The following GLIS3 variants were observed in gnomAD, a reference collection of about 807,000 sequenced individuals.
GLIS3 encodes the protein GLIS family zinc finger 3.
A neutral mutation model predicts 78.6 loss-of-function variants in GLIS3; 53 were observed. That is an observed-to-expected ratio of 0.67 (90% CI 0.54 to 0.85). The LOEUF is 0.85. Ranked by LOEUF, GLIS3 falls within the 40% of genes least tolerant of loss-of-function variation. GLIS3 has a pLI of 0.00. For synonymous variants in GLIS3, 684 were observed against 509.9 expected, an observed-to-expected ratio of 1.34 and a Z score of -4.60; for missense variants, 1,703 against 1,231.1, an observed-to-expected ratio of 1.38 and a Z score of -5.74.
the GLIS3 span, among the ~76,000 whole-genome samples, chr9:4,443,432 G>C: frequency 9.9e-5 from 15 of 152,250 alleles, no homozygotes; most frequent in Non-Finnish European, 2.2e-4. Flanking sequence ...ATGAATGAAT[G>C]AATGAGAAAA....
intron 2 of GLIS3, among the ~76,000 whole-genome samples, chr9:4,198,374 C>G (rs1819058136): frequency 6.6e-6 from 1 of 152,038 alleles, no homozygotes; most frequent in Non-Finnish European, 1.5e-5. Flanking sequence ...AATTCTAACT[C>G]TAGAAGTAGA....
rs547511467 is a variant in GLIS3, at chr9:3,826,876, G to T, written c.*1396C>A. ...TAGTACCAGAATGTTAGAACTTACT[G>T]TGTCTTTGGGACTGGCCAATTTTTA... is the stretch of plus-strand genomic sequence containing the variant. On this transcript the variant is annotated 3_prime_UTR_variant, in exon 11 of 11. Coordinates refer to ENST00000381971, the MANE Select transcript of GLIS3 (RefSeq NM_001042413.2). The T allele has an allele frequency of 2.0e-5, 3 of 152,322 alleles. No individual in the cohort carries two copies. The highest frequency in any genetic ancestry group is 4.1e-4 in the South Asian group (2 of 4,830). 9.4% of individuals were successfully genotyped at this position (152,322 alleles called of 1,614,324 possible). A position where few individuals can be genotyped will look rare whatever the true frequency, so the allele number is the denominator to read the frequency against.
chr9:3,911,068 TA>T, intron 6 of GLIS3, among the ~76,000 whole-genome samples: 1 of 152,264 alleles, frequency 6.6e-6, no homozygotes, highest in Middle Eastern at 3.4e-3. Flanking sequence ...CCTAAATAGT[TA>T]ATAGCTTTTT....
chr9:4,110,658 C>T (rs944193538), intron 4 of GLIS3, among the ~76,000 whole-genome samples: 12 of 152,240 alleles, frequency 7.9e-5, no homozygotes, highest in African/African-American at 7.2e-5. Context: ...TTAAAGCAGA[C>T]GTAAAATCAA....
At chr9:4,003,723 G>C (rs1289663523) in intron 4 of GLIS3, among the ~76,000 whole-genome samples, 2 of 152,194 alleles carry the variant, frequency 1.3e-5, no homozygotes, top group Non-Finnish European at 1.5e-5. Flanking sequence ...CAGGGAGCTG[G>C]AGAATCCACA....
At chr9:3,836,838 T>A (rs1473289410) in intron 9 of GLIS3, among the ~76,000 whole-genome samples, 1 of 152,160 alleles carries the variant, frequency 6.6e-6, no homozygotes, top group Non-Finnish European at 1.5e-5. Flanking sequence ...ACCATCCCCT[T>A]CCATACTTCT....
chr9:3,956,732 T>G (rs574040111), intron 4 of GLIS3, among the ~76,000 whole-genome samples: 1 of 152,232 alleles, frequency 6.6e-6, no homozygotes, highest in Non-Finnish European at 1.5e-5. Context: ...TGTGCCAACT[T>G]TGAATAATCC....
At chr9:4,001,270 T>C (rs1821107726) in intron 4 of GLIS3, among the ~76,000 whole-genome samples, 1 of 152,248 alleles carries the variant, frequency 6.6e-6, no homozygotes, top group African/African-American at 2.4e-5. Context: ...AAAAATCTTT[T>C]GGCAATGAAT....
chr9:4,142,385 T>A (rs1833877393), intron 2 of GLIS3, among the ~76,000 whole-genome samples: 1 of 152,194 alleles, frequency 6.6e-6, no homozygotes, highest in African/African-American at 2.4e-5. Context: ...TGGTTTTCAA[T>A]GTTAATGAGA....
At chr9:4,435,905 T>C in the GLIS3 span, among the ~76,000 whole-genome samples, 1 of 152,138 alleles carries the variant, frequency 6.6e-6, no homozygotes, top group Non-Finnish European at 1.5e-5. Context: ...GCCAAGATCG[T>C]GCCACTGCAC....
intron 2 of GLIS3, among the ~76,000 whole-genome samples, chr9:4,263,542 C>T (rs748541629): frequency 1.1e-4 from 16 of 151,916 alleles, no homozygotes; most frequent in Non-Finnish European, 2.1e-4. Context: ...TCAGGTTTGT[C>T]AATTCATTCA....
At position 4,148,930 on chromosome 9, in the gene GLIS3, G is replaced by A. The variant is rs115422342; in HGVS notation, c.389-22989C>T. On this transcript the variant is annotated intron_variant, in intron 2 of 10. Coordinates refer to ENST00000381971, the MANE Select transcript of GLIS3 (RefSeq NM_001042413.2). The stretch of plus-strand genomic sequence containing the variant: ...CCACACCTCACTGCACACAAAGCTC[G>A]TCCCTATCAACAGAACCTTTTCCAA... Among the ~76,000 whole-genome samples, 77 of 151,986 alleles carry A rather than the reference G, an allele frequency of 5.1e-4. 1 individual carries two copies. Among genetic ancestry groups the A allele is most frequent in the Admixed American group, 2.1e-3 (32 of 15,276 alleles).
intron 2 of GLIS3, among the ~76,000 whole-genome samples, chr9:4,206,072 G>C (rs1353505071): frequency 6.6e-6 from 1 of 152,122 alleles, no homozygotes; most frequent in South Asian, 2.1e-4. Flanking sequence ...GTATGGAAGG[G>C]AAAATATATA....
intron 4 of GLIS3, among the ~76,000 whole-genome samples, chr9:4,111,120 G>A (rs1271235896): frequency 6.6e-6 from 1 of 152,100 alleles, no homozygotes; most frequent in Non-Finnish European, 1.5e-5. Flanking sequence ...CCAAAGGTTC[G>A]ACATACATTC....
At chr9:3,979,534 C>T (rs1190067979) in intron 4 of GLIS3, among the ~76,000 whole-genome samples, 1 of 152,180 alleles carries the variant, frequency 6.6e-6, no homozygotes, top group African/African-American at 2.4e-5. Context: ...AGTGACTTCT[C>T]CTCTATGTGC....
the GLIS3 span, among the ~76,000 whole-genome samples, chr9:4,481,042 G>A: frequency 0.45 from 69,023 of 151,818 alleles, 15,883 homozygotes; most frequent in East Asian, 0.64. Flanking sequence ...TTTTTGTAGA[G>A]ACAGGGTTTT....
intron 4 of GLIS3, among the ~76,000 whole-genome samples, chr9:4,012,765 CTTTTTT>C (rs71324278): frequency 3.7e-3 from 248 of 66,492 alleles, no homozygotes; most frequent in Non-Finnish European, 5.7e-3. Flanking sequence ...TTTTCTTTTT[CTTTTTT>C]TTTTTTTTTT....
At chr9:4,426,632 A>G in the GLIS3 span, among the ~76,000 whole-genome samples, 31 of 152,310 alleles carry the variant, frequency 2.0e-4, no homozygotes, top group African/African-American at 7.5e-4. Context: ...ACATATCACC[A>G]TCCATCATGG....
At chr9:4,116,353 C>T (rs149434626) in intron 4 of GLIS3, among the ~76,000 whole-genome samples, 1 of 152,286 alleles carries the variant, frequency 6.6e-6, no homozygotes, top group Non-Finnish European at 1.5e-5. Flanking sequence ...ATGCAGAACC[C>T]TAGTGACAGA....
Sources: gnomAD v4.1 joint callset for allele counts (sites outside exome capture counted in the v4.1 genomes callset) on GRCh38, gnomAD v4.1.1 for gene constraint, MANE v1.5 for transcripts, NCBI Gene and HGNC (gene_info 2026-07-23, HGNC 2026-07-21) for gene names.